The following FAM216A variants were observed in gnomAD, a reference collection of about 807,000 sequenced individuals.
FAM216A encodes family with sequence similarity 216 member A.
FAM216A carries 26 observed loss-of-function variants against 37.6 expected under a neutral mutation model. That is an observed-to-expected ratio of 0.69 (90% confidence interval 0.51 to 0.96). FAM216A has a LOEUF of 0.96. Ranked by LOEUF, FAM216A falls within the 40% of genes least tolerant of loss-of-function variation. The pLI, the probability that FAM216A is intolerant of heterozygous loss-of-function variation, is 0.00. For missense variants in FAM216A, 326 were observed against 339.3 expected, an observed-to-expected ratio of 0.96 and a Z score of 0.31; for synonymous variants, 110 against 121.7, an observed-to-expected ratio of 0.90 and a Z score of 0.64.
At chr12:110,486,221 TAC>T in intron 3 of FAM216A, 102 bp from the exon 4 acceptor site, 1 of 1,248,062 alleles carries the variant, frequency 8.0e-7, no homozygotes, top group Non-Finnish European at 1.1e-6. Context: ...TAAAGTAAAA[TAC>T]AGTTGGCACA....
chr12:110,468,773 G>C, upstream of FAM216A: 2 of 1,471,386 alleles, frequency 1.4e-6, no homozygotes, highest in East Asian at 5.0e-5. Context: ...TCCCGAAGCT[G>C]TTCGGGCAGT....
Position 110,490,053 on chromosome 12 carries a change from A to G in FAM216A, c.738A>G (p.Glu246=), listed in dbSNP as rs1173634655. ...SSDDSESHMS[E]EKKEEDLLNN... is the part of the protein sequence containing the mutation. ...ATGATTCTGAATCACACATGAGTGA[A>G]GAAAAAAAGGAAGAAGATTTACTAA... Residue 246 remains glutamate, a synonymous_variant, in exon 7 of 7, where the codon GAA becomes GAG. Transcript: ENST00000377673. 2.0e-6 allele frequency: 3 copies of G among 1,535,364 alleles called. No individual in the cohort carries two copies. Among genetic ancestry groups the G allele is most frequent in the African/African-American group, 1.4e-5 (1 of 73,518 alleles).
chr12:110,489,995 T>G, intron 6 of FAM216A, 24 bp from the exon 7 acceptor site: 1 of 1,103,602 alleles, frequency 9.1e-7, no homozygotes, highest in Non-Finnish European at 1.4e-6. Context: ...AACAGACAAT[T>G]GTAAATTCTT....
intron 2 of FAM216A, among the ~76,000 whole-genome samples, chr12:110,473,359 G>A (rs1481937683): frequency 1.3e-5 from 2 of 151,944 alleles, no homozygotes; most frequent in East Asian, 1.9e-4. Context: ...CTACAGATGC[G>A]TGCCACCATG....
At chr12:110,474,577 A>G (rs2062704863) in intron 2 of FAM216A, among the ~76,000 whole-genome samples, 1 of 150,132 alleles carries the variant, frequency 6.7e-6, no homozygotes, top group Non-Finnish European at 1.5e-5. Flanking sequence ...CCGTAGTCCC[A>G]GCTACTCGGA....
upstream of FAM216A, chr12:110,468,700 A>G: frequency 1.3e-6 from 2 of 1,520,196 alleles, no homozygotes; most frequent in Non-Finnish European, 1.8e-6. Context: ...ACGCTCAGCG[A>G]CCGCAGCGCT....
chr12:110,470,200 G>A (rs989122031), intron 1 of FAM216A, among the ~76,000 whole-genome samples: 6 of 151,300 alleles, frequency 4.0e-5, no homozygotes, highest in African/African-American at 9.7e-5. Flanking sequence ...CCGGGTTCAC[G>A]CCATTCTCCT....
chr12:110,469,055 G>A, intron 1 of FAM216A, 37 bp downstream of exon 1: 1 of 1,396,072 alleles, frequency 7.2e-7, no homozygotes, highest in Non-Finnish European at 9.3e-7. Flanking sequence ...GTGGCAGCAT[G>A]GGGCCCCCGG....
At chr12:110,479,163 C>CAA (rs764041764) in intron 2 of FAM216A, among the ~76,000 whole-genome samples, 19 of 116,706 alleles carry the variant, frequency 1.6e-4, no homozygotes, top group African/African-American at 4.4e-4. Context: ...GACTCTGTCT[C>CAA]AAAAAAAAAA....
intron 1 of FAM216A, among the ~76,000 whole-genome samples, chr12:110,472,340 A>G (rs2062691266): frequency 6.6e-6 from 1 of 152,190 alleles, no homozygotes; most frequent in Non-Finnish European, 1.5e-5. Context: ...AGCCCCAACT[A>G]CTTTATTGAG....
chr12:110,481,194 C>CT, intron 2 of FAM216A, among the ~76,000 whole-genome samples: 1 of 152,078 alleles, frequency 6.6e-6, no homozygotes, highest in Admixed American at 6.6e-5. Flanking sequence ...GTTTCTTCCA[C>CT]TTTTTGGCTA....
chr12:110,469,995 T>C (rs1191509082), intron 1 of FAM216A, among the ~76,000 whole-genome samples: 1 of 152,090 alleles, frequency 6.6e-6, no homozygotes, highest in Non-Finnish European at 1.5e-5. Context: ...AGACTCTACC[T>C]CCTCTTCCTC....
At chr12:110,481,236 A>G (rs1485887736) in intron 2 of FAM216A, among the ~76,000 whole-genome samples, 2 of 152,194 alleles carry the variant, frequency 1.3e-5, no homozygotes, top group African/African-American at 4.8e-5. Context: ...AGCATGGATA[A>G]ATAATCTGTT....
chr12:110,477,652 A>C (rs1374508223), intron 2 of FAM216A, among the ~76,000 whole-genome samples: 2 of 151,714 alleles, frequency 1.3e-5, no homozygotes, highest in African/African-American at 2.4e-5. Context: ...CAACGCGCCC[A>C]GTCTTGTCAT....
At position 110,468,926 on chromosome 12, in the gene FAM216A, G is replaced by C. The variant is rs1029507750; in HGVS notation, c.51G>C (p.Glu17Asp). 1.3e-6 allele frequency: 2 copies of C among 1,523,772 alleles called. No homozygotes were observed. Among genetic ancestry groups the C allele is most frequent in the African/African-American group, 2.7e-5 (2 of 72,818 alleles). The allele number at this position is 1,523,772 out of a possible 1,614,324, so 94.4% of individuals were successfully genotyped here. The change falls in exon 1 of 7, where the codon GAG (glutamate) becomes GAC (aspartate). Residue 17 changes from glutamate (E) to aspartate (D), a missense_variant. Physicochemically the swap from Glu to Asp is conservative, Grantham distance 45 (BLOSUM62 2). Transcript: ENST00000377673. Reference protein sequence around the residue: ...PHTARGLGAAEMPGQGPGSDW... With the variant: ...PHTARGLGAADMPGQGPGSDW... The stretch of plus-strand genomic sequence containing the variant: ...CGGCTCGCGGTCTCGGCGCCGCGGA[G>C]ATGCCCGGCCAGGGTCCGGGGTCCG...
At chr12:110,484,262 C>A (rs922732956) in intron 2 of FAM216A, among the ~76,000 whole-genome samples, 8 of 151,594 alleles carry the variant, frequency 5.3e-5, no homozygotes, top group Non-Finnish European at 1.0e-4. Flanking sequence ...CCCATCTCTA[C>A]TAAAAATACA....
At position 110,469,751 on chromosome 12, in the gene FAM216A, C is replaced by T. The variant is rs189365407; in HGVS notation, c.143+733C>T. Among the ~76,000 whole-genome samples, 131 of 152,192 alleles carry T rather than the reference C, an allele frequency of 8.6e-4. 2 individuals are homozygous for T. The highest frequency in any genetic ancestry group is 8.4e-3 in the Admixed American group (129 of 15,270). ...TGTCGAACCCCTGACCTCAAGTGAG[C>T]CGCCCGCCTCGGCCTCCCAAATTGC... is the stretch of plus-strand genomic sequence containing the variant. On this transcript the variant is annotated intron_variant, in intron 1 of 6. Transcript: ENST00000377673.
At chr12:110,485,533 C>A (rs1239149271) in intron 3 of FAM216A, among the ~76,000 whole-genome samples, 2 of 151,698 alleles carry the variant, frequency 1.3e-5, no homozygotes, top group Admixed American at 1.3e-4. Flanking sequence ...ATATTTTACT[C>A]AAGGACTACA....
At chr12:110,477,005 G>A (rs947001713) in intron 2 of FAM216A, among the ~76,000 whole-genome samples, 1 of 152,208 alleles carries the variant, frequency 6.6e-6, no homozygotes, top group Admixed American at 6.5e-5. Flanking sequence ...ACAGGTGTGA[G>A]CCACTACATC....
Sources: allele counts gnomAD v4.1 joint callset (sites outside exome capture counted in the v4.1 genomes callset), GRCh38; gene constraint gnomAD v4.1.1; transcripts MANE v1.5; gene names NCBI Gene and HGNC (gene_info 2026-07-23, HGNC 2026-07-21).